Variants in GALNT18 observed in about 807,000 individuals in gnomAD.
GALNT18 encodes the protein polypeptide N-acetylgalactosaminyltransferase 18.
GALNT18 carries 44 observed loss-of-function variants against 69.5 expected under a neutral mutation model. That is an observed-to-expected ratio of 0.63 (90% confidence interval 0.50 to 0.81). The LOEUF (loss-of-function observed/expected upper bound fraction) is 0.81, where lower values mean the gene tolerates loss of function less well. GALNT18 is among the 40% of genes least tolerant of loss of function. The pLI is 0.00. For synonymous variants in GALNT18, 364 were observed against 318.2 expected (o/e 1.14, Z -1.53); for missense variants, 715 against 810.0 (o/e 0.88, Z 1.42).
rs562251020 is a variant in GALNT18, at chr11:11,603,263, G to A, written c.235+18096C>T. On this transcript the variant is annotated intron_variant, in intron 1 of 10. Transcript: ENST00000227756. The surrounding 1 kb of genome is among the most constrained non-coding windows in gnomAD (Gnocchi z 4.5). The stretch of plus-strand genomic sequence containing the variant: ...CACATAAGAACCGTCCTCCAAGGCT[G>A]TAAACAGATTGTTTTGCTCCAACAC... Among the ~76,000 whole-genome samples the A allele has an allele frequency of 6.6e-6, 1 of 152,316 alleles. No individual in the cohort carries two copies. Among genetic ancestry groups the A allele is most frequent in the East Asian group, 1.9e-4 (1 of 5,184 alleles).
At chr11:11,550,741 A>C (rs990973266) in intron 1 of GALNT18, among the ~76,000 whole-genome samples, 3 of 152,222 alleles carry the variant, frequency 2.0e-5, no homozygotes, top group Non-Finnish European at 1.5e-5. Flanking sequence ...GGTGGTAGCC[A>C]CCCAGCCATA....
chr11:11,426,529 TACAA>T, intron 3 of GALNT18, among the ~76,000 whole-genome samples: 1 of 152,218 alleles, frequency 6.6e-6, no homozygotes, highest in East Asian at 1.9e-4. Context: ...ATTGAACAAC[TACAA>T]ATACCAGGCA....
At position 11,332,815 on chromosome 11, in the gene GALNT18, A is replaced by G. The variant is rs749935077; in HGVS notation, c.1295T>C (p.Ile432Thr). ...NIPQEDSGID[I>T]GDITARKALR... is the part of the protein sequence containing the mutation. ...AGCCTTCCTTGCAGTGATGTCCCCAATGTCAATTCCTGAGTCCTGCACAGG... is the reference window on the plus strand; with the variant it reads ...AGCCTTCCTTGCAGTGATGTCCCCAGTGTCAATTCCTGAGTCCTGCACAGG... Residue 432 changes from isoleucine (I) to threonine (T), a missense_variant, in exon 8 of 11, where the codon ATT becomes ACT. By Grantham distance (89) the Ile-to-Thr change is moderately conservative. Transcript: ENST00000227756. The surrounding 1 kb of genome is among the most constrained non-coding windows in gnomAD (Gnocchi z 4.3). 3.2e-5 allele frequency: 52 copies of G among 1,613,448 alleles called. No homozygotes were observed. In the Admixed American group the frequency reaches 3.7e-4, roughly 11 times the overall value.
At chr11:11,466,466 T>C (rs1360790764) in intron 1 of GALNT18, among the ~76,000 whole-genome samples, 1 of 152,214 alleles carries the variant, frequency 6.6e-6, no homozygotes, top group Non-Finnish European at 1.5e-5. Flanking sequence ...GGAGGGATGA[T>C]CCCCCATTGA....
chr11:11,561,841 C>A (rs1427274659), intron 1 of GALNT18, among the ~76,000 whole-genome samples: 13 of 152,166 alleles, frequency 8.5e-5, no homozygotes, highest in Admixed American at 8.5e-4. Context: ...GAGAACCGGG[C>A]AGGGGAATTA....
rs1434031971 is a variant in GALNT18, at chr11:11,390,272, G to A, written c.596-11008C>T. Among the ~76,000 whole-genome samples, 3 of 152,142 alleles carry A rather than the reference G, an allele frequency of 2.0e-5. No homozygotes were observed. In the South Asian group the frequency reaches 6.2e-4, roughly 31 times the overall value. ...GCACTAAGCTCGGTCATGCTAGAGT[G>A]CCCTTGCACTACCTGCTACCTCCAC... On this transcript the variant is annotated intron_variant, in intron 3 of 10. Transcript: ENST00000227756.
intron 10 of GALNT18, among the ~76,000 whole-genome samples, chr11:11,281,316 C>T (rs2132985519): frequency 6.6e-6 from 1 of 152,312 alleles, no homozygotes; most frequent in East Asian, 1.9e-4. Context: ...CCCAAATGGT[C>T]ATTTCTGTCC....
At chr11:11,366,197 G>A (rs552336157) in intron 6 of GALNT18, among the ~76,000 whole-genome samples, 1 of 152,170 alleles carries the variant, frequency 6.6e-6, no homozygotes, top group African/African-American at 2.4e-5. Flanking sequence ...AATTCTTTGA[G>A]ATACCCATGT....
rs58632590 is a variant in GALNT18 at position 11,591,796 on chromosome 11, A to G, written c.235+29563T>C. On this transcript the variant is annotated intron_variant, in intron 1 of 10. Coordinates refer to ENST00000227756, the MANE Select transcript of GALNT18 (RefSeq NM_198516.3). This position sits in a 1 kb window ranked among gnomAD's most constrained non-coding sequence, Gnocchi z 4.8. The stretch of plus-strand genomic sequence containing the variant: ...GGGACAAAAATACACACATTATCAG[A>G]TTTGGGTCCTGAGAACACACCTATA... Among the ~76,000 whole-genome samples, 3,680 of 152,266 alleles carry G rather than the reference A, an allele frequency of 0.024. 155 individuals carry two copies. The highest frequency in any genetic ancestry group is 0.084 in the African/African-American group (3,509 of 41,544).
rs553549882 is a variant in GALNT18 at position 11,439,622 on chromosome 11, C to T, written c.429-6835G>A. On this transcript the variant is annotated intron_variant, in intron 2 of 10. Transcript: ENST00000227756. The surrounding 1 kb of genome is among the most constrained non-coding windows in gnomAD (Gnocchi z 4.4). The stretch of plus-strand genomic sequence containing the variant: ...ACTATAAGCTGTACAAGGTTAGGGC[C>T]GTGTCTGCTTTGCTCATCAGGTATC... Among the ~76,000 whole-genome samples, 5 of 152,298 alleles carry T rather than the reference C, an allele frequency of 3.3e-5. No homozygotes were observed. Among genetic ancestry groups the T allele is most frequent in the East Asian group, 3.9e-4 (2 of 5,186 alleles).
chr11:11,530,694 C>T (rs964722277), intron 1 of GALNT18, among the ~76,000 whole-genome samples: 12 of 152,214 alleles, frequency 7.9e-5, no homozygotes, highest in Admixed American at 2.0e-4. Context: ...GACAAAGTCA[C>T]CTGTGGAGCC....
At position 11,383,464 on chromosome 11, in the gene GALNT18, T is replaced by C. The variant is rs778582530; in HGVS notation, c.596-4200A>G. ...TGATGCCTAATGGGGCTTTGCTCTT[T>C]GGAAGGCAGGTGCACAGGCATTTTG... On this transcript the variant is annotated intron_variant, in intron 3 of 10. Transcript: ENST00000227756. The surrounding 1 kb of genome is among the most constrained non-coding windows in gnomAD (Gnocchi z 5.2). Among the ~76,000 whole-genome samples, 5 of 152,204 alleles carry C rather than the reference T, an allele frequency of 3.3e-5. No individual in the cohort carries two copies. Among genetic ancestry groups the C allele is most frequent in the Non-Finnish European group, 7.3e-5 (5 of 68,028 alleles).
intron 10 of GALNT18, among the ~76,000 whole-genome samples, chr11:11,273,953 G>C (rs960695215): frequency 6.6e-6 from 1 of 152,140 alleles, no homozygotes; most frequent in Admixed American, 6.5e-5. Context: ...TGCAGAAGGC[G>C]GGTGATTTCT....
At position 11,419,342 on chromosome 11, in the gene GALNT18, A is replaced by G. The variant is rs552599911; in HGVS notation, c.595+13279T>C. Among the ~76,000 whole-genome samples the G allele has an allele frequency of 7.2e-5, 11 of 152,240 alleles. No individual in the cohort carries two copies. The South Asian group carries it at 2.3e-3, about 32-fold the overall frequency. On this transcript the variant is annotated intron_variant, in intron 3 of 10. Transcript: ENST00000227756. Reference sequence around the variant, plus strand: ...CCAGGCATGGTGGCTCACGCCTGTAATCTCAGCACTCTGGGAGGCCAAGGT... The same window carrying G: ...CCAGGCATGGTGGCTCACGCCTGTAGTCTCAGCACTCTGGGAGGCCAAGGT...
At position 11,275,884 on chromosome 11, in the gene GALNT18, T is replaced by C. The variant is rs137884535; in HGVS notation, c.1678-4594A>G. ...TTCTGAGGGCTCTGTTCTGTTCCAT[T>C]GGTCTATCTCTCTGTTTTGGTACCA... On this transcript the variant is annotated intron_variant, in intron 10 of 10. Coordinates refer to ENST00000227756, the MANE Select transcript of GALNT18 (RefSeq NM_198516.3). 5.6e-3 allele frequency among the ~76,000 whole-genome samples: 853 copies of C among 152,310 alleles called. 8 individuals are homozygous for C. Among genetic ancestry groups the C allele is most frequent in the African/African-American group, 0.019 (797 of 41,556 alleles).
intron 3 of GALNT18, among the ~76,000 whole-genome samples, chr11:11,420,965 G>A (rs565971384): frequency 6.6e-6 from 1 of 152,142 alleles, no homozygotes; most frequent in South Asian, 2.1e-4. Context: ...TCAAAAACTG[G>A]TCACCTTGGC....
At chr11:11,490,827 C>T (rs1856755486) in intron 1 of GALNT18, among the ~76,000 whole-genome samples, 2 of 152,224 alleles carry the variant, frequency 1.3e-5, no homozygotes, top group South Asian at 2.1e-4. Flanking sequence ...GCCTGGGTCT[C>T]CCTAATGAAA....
chr11:11,609,519 A>G (rs921156713), intron 1 of GALNT18, among the ~76,000 whole-genome samples: 2 of 152,156 alleles, frequency 1.3e-5, no homozygotes, highest in African/African-American at 4.8e-5. Flanking sequence ...TTCCACTGAT[A>G]CATCCCCAGC....
rs1217084419 is a variant in GALNT18 at position 11,315,904 on chromosome 11, A to G, written c.1512+11182T>C. On this transcript the variant is annotated intron_variant, in intron 9 of 10. Transcript: ENST00000227756. The surrounding 1 kb of genome is among the most constrained non-coding windows in gnomAD (Gnocchi z 5.6). Reference sequence around the variant, plus strand: ...TGCACCGAGAAACTGAACGTGTGACAAACAGAAGCTGAGGGTGGCTGCCGA... The same window carrying G: ...TGCACCGAGAAACTGAACGTGTGACGAACAGAAGCTGAGGGTGGCTGCCGA... Among the ~76,000 whole-genome samples the G allele has an allele frequency of 1.3e-5, 2 of 151,880 alleles. No homozygotes were observed. The highest frequency in any genetic ancestry group is 2.4e-5 in the African/African-American group (1 of 41,312).
Sources: gnomAD v4.1 joint callset for allele counts (sites outside exome capture counted in the v4.1 genomes callset) on GRCh38, gnomAD v4.1.1 for gene constraint, Gnocchi (gnomAD v3.1) non-coding constraint, MANE v1.5 for transcripts, NCBI Gene and HGNC (gene_info 2026-07-23, HGNC 2026-07-21) for gene names.